Variants in SAMSN1 observed in about 807,000 individuals in gnomAD.
The protein encoded by SAMSN1 is SAM domain-containing protein SAMSN-1.
Under a neutral mutation model 42.0 loss-of-function variants are expected in SAMSN1, and 31 were observed. The observed-to-expected ratio is 0.74, with a 90% CI of 0.55 to 1.00. The LOEUF (loss-of-function observed/expected upper bound fraction) is 1.00, where lower values mean the gene tolerates loss of function less well. Among genes scored for constraint, SAMSN1 ranks in the 50% least tolerant of loss-of-function variants. The probability of loss-of-function intolerance (pLI) is 0.00; values close to 1 mark genes in which losing one functional copy is unlikely to be tolerated. For missense variants in SAMSN1, 464 were observed against 439.4 expected (o/e 1.06, Z -0.50); for synonymous variants, 178 against 151.9 (o/e 1.17, Z -1.26).
chr21:14,508,440 C>G (rs758497956), intron 5 of SAMSN1, among the ~76,000 whole-genome samples: 2 of 152,052 alleles, frequency 1.3e-5, no homozygotes, highest in Non-Finnish European at 2.9e-5. Flanking sequence ...AAATGGCCAA[C>G]AAACACATGA....
chr21:14,499,712 T>C (rs1987064199), intron 6 of SAMSN1, among the ~76,000 whole-genome samples: 1 of 152,108 alleles, frequency 6.6e-6, no homozygotes, highest in African/African-American at 2.4e-5. Context: ...TGCTAACCCG[T>C]ACATTCTCAT....
At chr21:14,500,395 T>A (rs1371232767) in intron 6 of SAMSN1, 134 bp downstream of exon 6, 5 of 686,732 alleles carry the variant, frequency 7.3e-6, no homozygotes, top group Non-Finnish European at 1.2e-5. Context: ...AAATAAGAGC[T>A]CTTCTAGGAA....
chr21:14,583,226 AC>A (rs1266624627), intron 1 of SAMSN1: 1 of 154,810 alleles, frequency 6.5e-6, no homozygotes, highest in African/African-American at 2.4e-5. Context: ...TTAAATCCAA[AC>A]GTTTAATGGG....
intron 1 of SAMSN1, among the ~76,000 whole-genome samples, chr21:14,526,749 C>T (rs1308921281): frequency 1.3e-5 from 2 of 152,030 alleles, no homozygotes; most frequent in African/African-American, 4.8e-5. Context: ...GCTTTCTGAG[C>T]AGAATAAAAA....
Position 14,568,564 on chromosome 21 carries a change from T to C in SAMSN1, c.261+13572A>G, listed in dbSNP as rs886120829. ...ACTCTTCATTCCTTCATAAAGTTGA[T>C]CCATGGATATTTATTCATAGAAGAG... On this transcript the variant is annotated intron_variant, in intron 2 of 8. Transcript: ENST00000285670. Among the ~76,000 whole-genome samples, 3 of 152,178 alleles carry C rather than the reference T, an allele frequency of 2.0e-5. No individual in the cohort carries two copies. In the East Asian group the frequency reaches 5.8e-4, roughly 29 times the overall value.
intron 2 of SAMSN1, among the ~76,000 whole-genome samples, chr21:14,624,966 G>C (rs536054762): frequency 1.3e-5 from 2 of 152,216 alleles, no homozygotes. Context: ...TGCAAGGCTG[G>C]TTCAACATAC....
rs889419579 is a variant in SAMSN1, at chr21:14,608,889, C to T, written c.322+593G>A. Among the ~76,000 whole-genome samples the T allele has an allele frequency of 2.3e-4, 35 of 152,230 alleles. 1 individual carries two copies. Among genetic ancestry groups the T allele is most frequent in the African/African-American group, 6.5e-4 (27 of 41,540 alleles). ...ATACCAAGCAGATCAACTTTTGATA[C>T]GGTTTTTCATCTTTGTAAACTCTTA... On this transcript the variant is annotated intron_variant, in intron 5 of 15. Coordinates refer to the SAMSN1 transcript ENST00000647101.
chr21:14,509,831 C>A (rs1421441903), intron 5 of SAMSN1, among the ~76,000 whole-genome samples: 2 of 152,154 alleles, frequency 1.3e-5, no homozygotes, highest in Admixed American at 1.3e-4. Flanking sequence ...CTCCACCTCA[C>A]ATATTTTATT....
intron 7 of SAMSN1, among the ~76,000 whole-genome samples, chr21:14,590,054 T>G (rs942412007): frequency 1.3e-5 from 2 of 152,196 alleles, no homozygotes; most frequent in Non-Finnish European, 2.9e-5. Context: ...GTCTTATGAC[T>G]CGTTGTTTCA....
intron 2 of SAMSN1, among the ~76,000 whole-genome samples, chr21:14,570,747 A>G (rs1263237222): frequency 6.6e-6 from 1 of 152,122 alleles, no homozygotes; most frequent in African/African-American, 2.4e-5. Flanking sequence ...TTTCCCTTCA[A>G]ATCTATTTTC....
At chr21:14,584,650 T>C (rs1981862274), upstream of SAMSN1, among the ~76,000 whole-genome samples, 1 of 152,236 alleles carries the variant, frequency 6.6e-6, no homozygotes, top group African/African-American at 2.4e-5. Flanking sequence ...ATGTAATACA[T>C]ATAGGAATAC....
Position 14,503,737 on chromosome 21 carries a change from G to A in SAMSN1, c.562-3002C>T, listed in dbSNP as rs373978067. 9.9e-5 allele frequency among the ~76,000 whole-genome samples: 15 copies of A among 152,252 alleles called. No homozygotes were observed. In the South Asian group the frequency reaches 1.5e-3, roughly 15 times the overall value. On this transcript the variant is annotated intron_variant, in intron 5 of 7. Coordinates refer to ENST00000400566, the MANE Select transcript of SAMSN1 (RefSeq NM_022136.5). The stretch of plus-strand genomic sequence containing the variant: ...CAGGACCAGATTGCAGCTCCAACTC[G>A]AGCAGAGGAGTGTGTGGATGCTCAC...
intron 2 of SAMSN1, among the ~76,000 whole-genome samples, chr21:14,638,172 T>C (rs1290763620): frequency 2.0e-5 from 3 of 152,162 alleles, no homozygotes; most frequent in Non-Finnish European, 4.4e-5. Flanking sequence ...CTTGTGAAAT[T>C]TGGAAAGTGG....
At chr21:14,622,718 T>A (rs1983047681) in intron 2 of SAMSN1, among the ~76,000 whole-genome samples, 1 of 152,204 alleles carries the variant, frequency 6.6e-6, no homozygotes, top group South Asian at 2.1e-4. Context: ...CAAGGAGAAC[T>A]TCCCCAACCT....
intron 2 of SAMSN1, among the ~76,000 whole-genome samples, chr21:14,630,501 T>A (rs2123360669): frequency 6.6e-6 from 1 of 152,232 alleles, no homozygotes; most frequent in Non-Finnish European, 1.5e-5. Flanking sequence ...TTAACCTTCA[T>A]CTATTGATTT....
upstream of SAMSN1, chr21:14,585,481 T>C (rs1356888172): frequency 6.6e-6 from 1 of 152,218 alleles, no homozygotes; most frequent in Non-Finnish European, 1.5e-5. Context: ...AATGGAACTT[T>C]GTATAAATGA....
intron 5 of SAMSN1, among the ~76,000 whole-genome samples, chr21:14,607,887 A>G (rs1982606200): frequency 6.6e-6 from 1 of 152,240 alleles, no homozygotes; most frequent in South Asian, 2.1e-4. Flanking sequence ...TCTAAAATAC[A>G]ACATGTGCTT....
intron 2 of SAMSN1, among the ~76,000 whole-genome samples, chr21:14,581,344 C>CTTTGTTTTTT (rs1981715329): frequency 3.1e-5 from 1 of 32,588 alleles, no homozygotes; most frequent in Non-Finnish European, 5.6e-5. Context: ...AATAATATTT[C>CTTTGTTTTTT]TTTTTTTTTT....
In SAMSN1 at chr21:14,630,378, T is replaced by G. The variant is rs546375777; in HGVS notation, c.156+12624A>C. Among the ~76,000 whole-genome samples, 7 of 151,510 alleles carry G rather than the reference T, an allele frequency of 4.6e-5. No homozygotes were observed. In the South Asian group the frequency reaches 1.5e-3, roughly 32 times the overall value. On this transcript the variant is annotated intron_variant, in intron 2 of 15. Transcript: ENST00000647101. The stretch of plus-strand genomic sequence containing the variant: ...TTAAAGTAGGAATGGGCTTTTTTGC[T>G]TTACAGCTTTTTTTTTTTTTAGAGA...
Sources: allele counts gnomAD v4.1 joint callset (sites outside exome capture counted in the v4.1 genomes callset), GRCh38; gene constraint gnomAD v4.1.1; transcripts MANE v1.5; gene names NCBI Gene and HGNC (gene_info 2026-07-23, HGNC 2026-07-21).